The following MCPH1 variants were observed in gnomAD, a reference collection of about 807,000 sequenced individuals.
MCPH1 encodes the protein microcephalin.
MCPH1 carries 104 observed loss-of-function variants against 84.5 expected under a neutral mutation model. That is an observed-to-expected ratio of 1.23 (90% confidence interval 1.05 to 1.45). The LOEUF (loss-of-function observed/expected upper bound fraction) is 1.45. Ranked by LOEUF, MCPH1 falls within the 40% of genes most tolerant of loss-of-function variation. MCPH1 has a pLI of 0.00. For missense variants in MCPH1, 1,498 were observed against 1,005.7 expected (o/e 1.49, Z -6.62); for synonymous variants, 514 against 366.8 (o/e 1.40, Z -4.58).
intron 12 of MCPH1, among the ~76,000 whole-genome samples, chr8:6,595,057 G>C (rs1054279941): frequency 1.3e-5 from 2 of 152,218 alleles, no homozygotes; most frequent in Non-Finnish European, 2.9e-5. Flanking sequence ...GGTTGAGTCT[G>C]TTGCTAACTA....
At position 6,499,944 on chromosome 8, in the gene MCPH1, G is replaced by C; in HGVS notation, c.2214+15G>C. The C allele has an allele frequency of 6.2e-7, 1 of 1,607,288 alleles. No individual in the cohort carries two copies. The highest frequency in any genetic ancestry group is 8.5e-7 in the Non-Finnish European group (1 of 1,174,140). ...CTGCAGCTCCCGTAAGTCAGATGTT[G>C]TTTTACGATGGTAAATGCAGTTTGC... On this transcript the variant is annotated intron_variant, in intron 12 of 13. Transcript: ENST00000344683.
At chr8:6,462,729 CAGG>C (rs1806419583) in intron 9 of MCPH1, among the ~76,000 whole-genome samples, 3 of 152,154 alleles carry the variant, frequency 2.0e-5, no homozygotes, top group Non-Finnish European at 4.4e-5. Context: ...GTGTATAAAA[CAGG>C]AATAATAATA....
intron 12 of MCPH1, among the ~76,000 whole-genome samples, chr8:6,532,889 C>A (rs1478864456): frequency 6.6e-6 from 1 of 152,174 alleles, no homozygotes; most frequent in Non-Finnish European, 1.5e-5. Flanking sequence ...TAATTTGACA[C>A]AAAGAAGCAT....
intron 11 of MCPH1, among the ~76,000 whole-genome samples, chr8:6,486,020 C>A (rs1187172546): frequency 1.3e-5 from 2 of 152,022 alleles, no homozygotes; most frequent in East Asian, 3.9e-4. Flanking sequence ...CTTGCATGGC[C>A]CCCCTCCTTT....
intron 12 of MCPH1, among the ~76,000 whole-genome samples, chr8:6,523,645 A>G (rs2515450): frequency 0.075 from 11,445 of 152,192 alleles, 522 homozygotes; most frequent in African/African-American, 0.12. Flanking sequence ...GCTGTTGTGC[A>G]GTGGCGCGAT....
intron 12 of MCPH1, among the ~76,000 whole-genome samples, chr8:6,589,371 A>G (rs1243951312): frequency 6.6e-6 from 1 of 152,154 alleles, no homozygotes; most frequent in Non-Finnish European, 1.5e-5. Context: ...GTCTTCCTTC[A>G]TCTTTTATTA....
At chr8:6,564,031 G>C (rs1389565702) in intron 12 of MCPH1, among the ~76,000 whole-genome samples, 2 of 137,566 alleles carry the variant, frequency 1.5e-5, no homozygotes, top group South Asian at 2.3e-4. Flanking sequence ...GACCAGGCTA[G>C]AGTGCAGTGG....
chr8:6,443,917 C>T (rs545603341), intron 7 of MCPH1, among the ~76,000 whole-genome samples: 2 of 152,294 alleles, frequency 1.3e-5, no homozygotes, highest in East Asian at 3.9e-4. Flanking sequence ...CCAAATGGCT[C>T]ACTTTTGAAT....
chr8:6,459,813 AG>A (rs2129557287), intron 9 of MCPH1, among the ~76,000 whole-genome samples: 1 of 152,284 alleles, frequency 6.6e-6, no homozygotes, highest in South Asian at 2.1e-4. Flanking sequence ...AGTCGATGAG[AG>A]CTGTCAGTCG....
rs865952469 is a variant in MCPH1 at position 6,422,787 on chromosome 8, C to T, written c.233+7904C>T. On this transcript the variant is annotated intron_variant, in intron 3 of 13. Transcript: ENST00000344683. Reference sequence around the variant, plus strand: ...TACTGCAACCTCCGCCTCCTGGGTTCATGCCATTCTCCTGCCTCAGCCTCC... The same window carrying T: ...TACTGCAACCTCCGCCTCCTGGGTTTATGCCATTCTCCTGCCTCAGCCTCC... 2.4e-4 allele frequency among the ~76,000 whole-genome samples: 36 copies of T among 152,226 alleles called. No homozygotes were observed. In the Middle Eastern group the frequency reaches 0.014, roughly 58 times the overall value.
At chr8:6,572,256 A>G (rs532711604) in intron 12 of MCPH1, among the ~76,000 whole-genome samples, 32 of 152,344 alleles carry the variant, frequency 2.1e-4, no homozygotes, top group Admixed American at 7.2e-4. Context: ...CGGAAAAAAT[A>G]ATATGCGCTC....
intron 9 of MCPH1, among the ~76,000 whole-genome samples, chr8:6,455,559 C>G (rs1332425080): frequency 6.6e-6 from 1 of 152,128 alleles, no homozygotes; most frequent in African/African-American, 2.4e-5. Flanking sequence ...ATTTTATAAT[C>G]GGAATAAATA....
At chr8:6,522,065 G>C (rs1223249978) in intron 12 of MCPH1, among the ~76,000 whole-genome samples, 3 of 152,110 alleles carry the variant, frequency 2.0e-5, no homozygotes, top group East Asian at 3.9e-4. Flanking sequence ...GTTTTAAAAT[G>C]TAAATGCTGG....
chr8:6,513,827 T>C, intron 12 of MCPH1: 1 of 1,608,380 alleles, frequency 6.2e-7, no homozygotes, highest in Non-Finnish European at 8.5e-7. Context: ...AATATTCTCC[T>C]GAAGGGTTAC....
intron 12 of MCPH1, among the ~76,000 whole-genome samples, chr8:6,511,749 C>G (rs865782260): frequency 4.6e-5 from 7 of 152,070 alleles, no homozygotes; most frequent in Admixed American, 2.6e-4. Flanking sequence ...TCTAAATGGC[C>G]TATCCAAAAA....
At position 6,645,400 on chromosome 8, in the gene MCPH1, T is replaced by C. The variant is rs1027044725; in HGVS notation, c.*2351T>C. 6 of 152,094 alleles carry C rather than the reference T, an allele frequency of 3.9e-5. No homozygotes were observed. The highest frequency in any genetic ancestry group is 1.9e-4 in the East Asian group (1 of 5,198). 9.4% of individuals were successfully genotyped at this position (152,094 alleles called of 1,614,324 possible). A position where few individuals can be genotyped will look rare whatever the true frequency, so the allele number is the denominator to read the frequency against. On this transcript the variant is annotated 3_prime_UTR_variant, in exon 14 of 14. Transcript: ENST00000344683. ...TCTGCAAAGCCTTACTCAAAACATATAGGGCTAGAGGTTCTCAGGATTCTG... is the reference window on the plus strand; with the variant it reads ...TCTGCAAAGCCTTACTCAAAACATACAGGGCTAGAGGTTCTCAGGATTCTG...
intron 4 of MCPH1, among the ~76,000 whole-genome samples, chr8:6,435,727 C>CT (rs1802546152): frequency 6.6e-6 from 1 of 152,068 alleles, no homozygotes; most frequent in African/African-American, 2.4e-5. Flanking sequence ...CTAGATTGGG[C>CT]TGGTTTGGTG....
intron 3 of MCPH1, among the ~76,000 whole-genome samples, chr8:6,429,017 C>T (rs900105117): frequency 6.6e-6 from 1 of 152,230 alleles, no homozygotes; most frequent in African/African-American, 2.4e-5. Context: ...ATCCGCCCCT[C>T]TGAGTGCACC....
chr8:6,424,669 G>T (rs1201114823), intron 3 of MCPH1, among the ~76,000 whole-genome samples: 1 of 152,222 alleles, frequency 6.6e-6, no homozygotes, highest in Non-Finnish European at 1.5e-5. Context: ...ATGTGTAACA[G>T]TGGATGTGTA....
Sources: allele counts gnomAD v4.1 joint callset (sites outside exome capture counted in the v4.1 genomes callset), GRCh38; gene constraint gnomAD v4.1.1; transcripts MANE v1.5; gene names NCBI Gene and HGNC (gene_info 2026-07-23, HGNC 2026-07-21).